Variants in DHX9 observed in about 807,000 individuals in gnomAD.
The protein encoded by DHX9 is ATP-dependent RNA helicase A.
A neutral mutation model predicts 148.7 loss-of-function variants in DHX9; 27 were observed. That is an observed-to-expected ratio of 0.18 (90% CI 0.13 to 0.25). The LOEUF is 0.25. DHX9 is among the 10% of genes least tolerant of loss of function. The probability of loss-of-function intolerance (pLI) is 1.00; values close to 1 mark genes in which losing one functional copy is unlikely to be tolerated. For synonymous variants in DHX9, 529 were observed against 516.6 expected, an observed-to-expected ratio of 1.02 and a Z score of -0.33; for missense variants, 796 against 1,559.6, an observed-to-expected ratio of 0.51 and a Z score of 8.25.
At chr1:182,876,425 A>G (rs1043423942) in intron 17 of DHX9, 22 bp from the exon 18 acceptor site, 4 of 1,604,112 alleles carry the variant, frequency 2.5e-6, no homozygotes, top group Admixed American at 1.7e-5. Context: ...TTAGTCCCTG[A>G]TTGTTCTTTA....
At chr1:182,887,031 T>G (rs1649363178) in intron 27 of DHX9, 52 bp from the exon 28 acceptor site, 1 of 1,536,958 alleles carries the variant, frequency 6.5e-7, no homozygotes, top group African/African-American at 1.4e-5. Context: ...GGTAAGTCGT[T>G]GGGAAATAAT....
At chr1:182,875,853 T>C (rs1260270490) in intron 16 of DHX9, among the ~76,000 whole-genome samples, 197 bp from the exon 17 acceptor site, 1 of 152,222 alleles carries the variant, frequency 6.6e-6, no homozygotes, top group African/African-American at 2.4e-5. Context: ...AAATACTAAT[T>C]AGTGGAAAAG....
intron 15 of DHX9, 77 bp from the exon 16 acceptor site, chr1:182,874,777 T>A: frequency 1.7e-6 from 2 of 1,167,168 alleles, no homozygotes; most frequent in Non-Finnish European, 2.5e-6. Context: ...TTTTGAACTA[T>A]GAATTAGCAA....
chr1:182,867,474 C>T (rs995109533), intron 14 of DHX9, among the ~76,000 whole-genome samples: 5 of 152,192 alleles, frequency 3.3e-5, no homozygotes, highest in African/African-American at 1.2e-4. Context: ...GCGATCTCAG[C>T]TCACAGCAAC....
chr1:182,876,925 TTGTC>T (rs1648829929), intron 19 of DHX9, 22 bp downstream of exon 19: 1 of 1,575,936 alleles, frequency 6.3e-7, no homozygotes, highest in Non-Finnish European at 8.7e-7. Context: ...GGAAACCTAT[TTGTC>T]TGCTCCAGTG....
chr1:182,858,665 C>T (rs1668298261), intron 9 of DHX9, 25 bp downstream of exon 9: 2 of 1,609,172 alleles, frequency 1.2e-6, no homozygotes, highest in East Asian at 2.2e-5. Context: ...GTTTAGTTCA[C>T]ATTTACGTAG....
rs189189803 is a variant in DHX9, at chr1:182,877,862, C to T, written c.2199-159C>T. On this transcript the variant is annotated intron_variant, in intron 19 of 27. Coordinates refer to ENST00000367549, the MANE Select transcript of DHX9 (RefSeq NM_001357.5). ...TAGTAGGTTGACAACTAGGAGTTTGCAGTCAGATTGCTGATTCTTACTTGT... is the reference window on the plus strand; with the variant it reads ...TAGTAGGTTGACAACTAGGAGTTTGTAGTCAGATTGCTGATTCTTACTTGT... 7.8e-4 allele frequency: 620 copies of T among 798,140 alleles called. 1 individual carries two copies. Among genetic ancestry groups the T allele is most frequent in the Non-Finnish European group, 1.1e-3 (567 of 526,068 alleles). The allele number at this position is 798,140 out of a possible 1,614,324, so 49.4% of individuals were successfully genotyped here.
At chr1:182,841,369 T>G (rs949753297) in intron 1 of DHX9, among the ~76,000 whole-genome samples, 1 of 152,216 alleles carries the variant, frequency 6.6e-6, no homozygotes, top group Non-Finnish European at 1.5e-5. Context: ...TATTGAACAT[T>G]ATGGGGTTGT....
intron 18 of DHX9, 70 bp from the exon 19 acceptor site, chr1:182,876,760 A>T (rs1272809101): frequency 8.3e-7 from 1 of 1,200,466 alleles, no homozygotes. Context: ...TGTTACATAC[A>T]TAAGCAAATC....
At chr1:182,852,562 A>G (rs1000038236) in intron 4 of DHX9, among the ~76,000 whole-genome samples, 4 of 152,166 alleles carry the variant, frequency 2.6e-5, no homozygotes, top group Admixed American at 6.5e-5. Flanking sequence ...GGCTTTTACT[A>G]CATTTTTCTC....
Position 182,880,601 on chromosome 1 carries a change from A to G in DHX9, c.2617A>G (p.Ile873Val). 1 of 1,600,966 alleles carries G rather than the reference A, an allele frequency of 6.2e-7. No homozygotes were observed. The highest frequency in any genetic ancestry group is 8.6e-7 in the Non-Finnish European group (1 of 1,168,584). ...TGGCAAAATGATGATAATGGGGTGT[A>G]TTTTCTAGTAAGTGCTTTGTTTTAT... Reference protein sequence around the residue: ...RFGKMMIMGCIFYVGDAICTI... With the variant: ...RFGKMMIMGCVFYVGDAICTI... The change falls in exon 22 of 28, where the codon ATT becomes GTT. Residue 873 changes from isoleucine to valine, a missense_variant. Around this residue, in one of 14 missense-constraint regions of DHX9, gnomAD observed 122 missense variants for 289.3 expected, o/e 0.42. Transcript: ENST00000367549.
intron 1 of DHX9, among the ~76,000 whole-genome samples, chr1:182,841,301 AGAG>A (rs1667923390): frequency 6.6e-6 from 1 of 151,406 alleles, no homozygotes; most frequent in African/African-American, 2.4e-5. Context: ...AAAAAAAAAA[AGAG>A]AGAAAAGACT....
In DHX9 at chr1:182,866,284, G is replaced by A. The variant is rs148812394; in HGVS notation, c.1333-160G>A. Among the ~76,000 whole-genome samples, 53 of 152,278 alleles carry A rather than the reference G, an allele frequency of 3.5e-4. 2 individuals are homozygous for A. The East Asian group carries it at 9.6e-3, about 28-fold the overall frequency. ...GCAAAATGAAAAACATTTTTTAAGT[G>A]TCTGCCGTAGAACCAAATAGTATTT... is the stretch of plus-strand genomic sequence containing the variant. On this transcript the variant is annotated intron_variant, in intron 12 of 27. Coordinates refer to ENST00000367549, the MANE Select transcript of DHX9 (RefSeq NM_001357.5).
chr1:182,842,099 C>T (rs1460003987), intron 1 of DHX9, among the ~76,000 whole-genome samples: 1 of 152,158 alleles, frequency 6.6e-6, no homozygotes, highest in Non-Finnish European at 1.5e-5. Context: ...CGGTGGGTGA[C>T]TTGGAAGTTA....
At chr1:182,859,932 A>C (rs111437580) in intron 11 of DHX9, 61 bp from the exon 12 acceptor site, 1 of 1,524,210 alleles carries the variant, frequency 6.6e-7, no homozygotes. Flanking sequence ...TTAAAGGATC[A>C]AGACAGTTGC....
At chr1:182,862,218 C>G (rs1668374391) in intron 12 of DHX9, among the ~76,000 whole-genome samples, 1 of 152,026 alleles carries the variant, frequency 6.6e-6, no homozygotes, top group African/African-American at 2.4e-5. Flanking sequence ...TTTTTATGTT[C>G]CTGATTTTAA....
chr1:182,846,389 C>T (rs560091936), intron 3 of DHX9, among the ~76,000 whole-genome samples: 5 of 152,160 alleles, frequency 3.3e-5, no homozygotes, highest in Non-Finnish European at 7.4e-5. Flanking sequence ...CATGTGCCGC[C>T]ATGCCCGGCT....
At chr1:182,865,593 A>G (rs935899597) in intron 12 of DHX9, among the ~76,000 whole-genome samples, 2 of 152,262 alleles carry the variant, frequency 1.3e-5, no homozygotes, top group Non-Finnish European at 2.9e-5. Context: ...TTAACAAAGT[A>G]GCTTTCAATC....
At chr1:182,867,976 C>A (rs1259390663) in intron 14 of DHX9, among the ~76,000 whole-genome samples, 5 of 152,272 alleles carry the variant, frequency 3.3e-5, no homozygotes, top group African/African-American at 1.2e-4. Flanking sequence ...CAAAGCATTT[C>A]TAGTTTTTAT....
Sources: allele counts gnomAD v4.1 joint callset (sites outside exome capture counted in the v4.1 genomes callset), GRCh38; gene constraint gnomAD v4.1.1; regional missense constraint gnomAD v4.1.1; transcripts MANE v1.5; gene names NCBI Gene and HGNC (gene_info 2026-07-23, HGNC 2026-07-21).